Variants in PDGFC observed in about 807,000 individuals in gnomAD.
The protein encoded by PDGFC is platelet-derived growth factor C.
A neutral mutation model predicts 35.5 loss-of-function variants in PDGFC; 12 were observed. That is an observed-to-expected ratio of 0.34 (90% CI 0.22 to 0.55). The LOEUF (loss-of-function observed/expected upper bound fraction) is 0.55. Ranked by LOEUF, PDGFC falls within the 20% of genes least tolerant of loss-of-function variation. The probability of loss-of-function intolerance (pLI) is 0.91; values close to 1 mark genes in which losing one functional copy is unlikely to be tolerated. For missense variants in PDGFC, 322 were observed against 412.4 expected, an observed-to-expected ratio of 0.78 and a Z score of 1.90; for synonymous variants, 159 against 148.8, an observed-to-expected ratio of 1.07 and a Z score of -0.50.
At chr4:156,940,705 AAG>A (rs1359367508) in intron 1 of PDGFC, among the ~76,000 whole-genome samples, 1 of 152,100 alleles carries the variant, frequency 6.6e-6, no homozygotes, top group Non-Finnish European at 1.5e-5. Flanking sequence ...GAATAATAAT[AAG>A]AGGTGTTTTT....
chr4:156,820,110 G>A (rs867526727), intron 2 of PDGFC, among the ~76,000 whole-genome samples: 1 of 152,178 alleles, frequency 6.6e-6, no homozygotes, highest in Admixed American at 6.5e-5. Flanking sequence ...TGCTTCTTAT[G>A]GATGGGCAAA....
In PDGFC at chr4:156,762,122, T is replaced by C. The variant is rs956267831; in HGVS notation, c.*968A>G. The stretch of plus-strand genomic sequence containing the variant: ...ACCAATTCTATTCCAATTCAGTTTT[T>C]TAAAATGCAGATTAATCTAACTCTA... On this transcript the variant is annotated 3_prime_UTR_variant, in exon 6 of 6. Coordinates refer to ENST00000502773, the MANE Select transcript of PDGFC (RefSeq NM_016205.3). 1.3e-5 allele frequency: 2 copies of C among 152,634 alleles called. No homozygotes were observed. The highest frequency in any genetic ancestry group is 4.8e-5 in the African/African-American group (2 of 41,448). The allele number at this position is 152,634 out of a possible 1,614,324, so 9.5% of individuals were successfully genotyped here.
At chr4:156,790,135 A>G (rs1348496432) in intron 3 of PDGFC, among the ~76,000 whole-genome samples, 1 of 152,206 alleles carries the variant, frequency 6.6e-6, no homozygotes, top group Non-Finnish European at 1.5e-5. Context: ...TTTTCTCTGT[A>G]TTTTAGTGTA....
intron 2 of PDGFC, among the ~76,000 whole-genome samples, chr4:156,811,290 T>C (rs1731925987): frequency 6.6e-6 from 1 of 152,098 alleles, no homozygotes. Flanking sequence ...AAACATTTTG[T>C]AAGGAGCAAC....
chr4:156,955,510 A>G (rs1472272052), intron 1 of PDGFC, among the ~76,000 whole-genome samples: 3 of 152,008 alleles, frequency 2.0e-5, no homozygotes, highest in African/African-American at 7.2e-5. Context: ...GTAAACATTC[A>G]GTTTTTAATT....
At chr4:156,824,327 TAC>T (rs1204930651) in intron 2 of PDGFC, among the ~76,000 whole-genome samples, 1,474 of 102,058 alleles carry the variant, frequency 0.014, 17 homozygotes, top group African/African-American at 0.016. Flanking sequence ...TATATATATA[TAC>T]ACACACACAC....
chr4:156,825,593 T>TAAGAAG (rs60033232), intron 2 of PDGFC, among the ~76,000 whole-genome samples: 1,635 of 62,074 alleles, frequency 0.026, 61 homozygotes, highest in Middle Eastern at 0.034. Context: ...ATAATAATAA[T>TAAGAAG]AAGAAGAAGA....
chr4:156,958,934 G>A (rs1007265934), intron 1 of PDGFC, among the ~76,000 whole-genome samples: 1 of 152,060 alleles, frequency 6.6e-6, no homozygotes, highest in Admixed American at 6.6e-5. Flanking sequence ...CAGAGTGACA[G>A]TAACTATAAA....
intron 1 of PDGFC, among the ~76,000 whole-genome samples, chr4:156,930,877 A>G (rs1337225449): frequency 6.6e-6 from 1 of 152,190 alleles, no homozygotes; most frequent in African/African-American, 2.4e-5. Context: ...AAAAATAAAT[A>G]AAAATAAAAA....
intron 1 of PDGFC, among the ~76,000 whole-genome samples, chr4:156,931,483 G>C (rs971183024): frequency 2.0e-5 from 3 of 152,132 alleles, no homozygotes; most frequent in African/African-American, 7.2e-5. Context: ...GGCCTGTGGG[G>C]GAGGTGAGTC....
chr4:156,836,710 A>G (rs1459756841), intron 2 of PDGFC, among the ~76,000 whole-genome samples: 1 of 152,230 alleles, frequency 6.6e-6, no homozygotes, highest in African/African-American at 2.4e-5. Context: ...CATGTGAATC[A>G]AATGCAATGA....
chr4:156,809,943 T>C (rs1731885724), intron 3 of PDGFC, among the ~76,000 whole-genome samples: 1 of 151,860 alleles, frequency 6.6e-6, no homozygotes, highest in Non-Finnish European at 1.5e-5. Context: ...AATTAATATA[T>C]CCCATATTTA....
At chr4:156,907,205 T>A (rs2110790190) in intron 1 of PDGFC, among the ~76,000 whole-genome samples, 2 of 152,300 alleles carry the variant, frequency 1.3e-5, no homozygotes, top group South Asian at 4.1e-4. Context: ...CATGCCTTGT[T>A]AAGTGACACC....
At chr4:156,828,607 T>C (rs1728847066) in intron 2 of PDGFC, among the ~76,000 whole-genome samples, 1 of 152,202 alleles carries the variant, frequency 6.6e-6, no homozygotes, top group Non-Finnish European at 1.5e-5. Context: ...TACATATGTA[T>C]ATATGTAATT....
chr4:156,897,941 C>G (rs1288791488), intron 1 of PDGFC, among the ~76,000 whole-genome samples: 1 of 152,164 alleles, frequency 6.6e-6, no homozygotes, highest in African/African-American at 2.4e-5. Context: ...ATATGAAGCT[C>G]TGTGTAATCT....
intron 2 of PDGFC, among the ~76,000 whole-genome samples, 195 bp from the exon 3 acceptor site, chr4:156,811,212 G>A (rs62331497): frequency 6.5e-4 from 99 of 152,124 alleles, no homozygotes; most frequent in Non-Finnish European, 1.2e-3. Flanking sequence ...AGAACTATGA[G>A]TCTCTTTGGA....
intron 3 of PDGFC, among the ~76,000 whole-genome samples, chr4:156,778,849 A>C (rs530395729): frequency 6.6e-6 from 1 of 152,346 alleles, no homozygotes; most frequent in African/African-American, 2.4e-5. Flanking sequence ...CAACTTTCCC[A>C]GTCAACTGCA....
chr4:156,886,003 T>C lies in PDGFC; in HGVS notation c.119-35587A>G, dbSNP rs115469347. On this transcript the variant is annotated intron_variant, in intron 1 of 5. Coordinates refer to ENST00000502773, the MANE Select transcript of PDGFC (RefSeq NM_016205.3). Reference sequence around the variant, plus strand: ...CTAGCTCTTAGACTGATATTTAGTCTTGCATTACAGTTCACAGCTCCTGCA... The same window carrying C: ...CTAGCTCTTAGACTGATATTTAGTCCTGCATTACAGTTCACAGCTCCTGCA... Among the ~76,000 whole-genome samples, 1,274 of 152,286 alleles carry C rather than the reference T, an allele frequency of 8.4e-3. 18 individuals are homozygous for C. The highest frequency in any genetic ancestry group is 0.029 in the African/African-American group (1,225 of 41,554).
At chr4:156,827,334 T>A (rs763332764) in intron 2 of PDGFC, among the ~76,000 whole-genome samples, 9 of 151,830 alleles carry the variant, frequency 5.9e-5, no homozygotes, top group Non-Finnish European at 1.0e-4. Flanking sequence ...GGAGAATCGC[T>A]TGAATGTGGG....
Sources: allele counts gnomAD v4.1 joint callset (sites outside exome capture counted in the v4.1 genomes callset), GRCh38; gene constraint gnomAD v4.1.1; transcripts MANE v1.5; gene names NCBI Gene and HGNC (gene_info 2026-07-23, HGNC 2026-07-21).